The following TUBGCP3 variants were observed in gnomAD, a reference collection of about 807,000 sequenced individuals.
TUBGCP3 encodes gamma-tubulin complex component 3.
A neutral mutation model predicts 123.1 loss-of-function variants in TUBGCP3; 50 were observed. The ratio of observed to expected loss-of-function variants is 0.41; its 90% confidence interval spans 0.32 to 0.51. The LOEUF is 0.51. Ranked by LOEUF, TUBGCP3 falls within the 20% of genes least tolerant of loss-of-function variation. The pLI is 0.36. For missense variants in TUBGCP3, 882 were observed against 1,127.0 expected (o/e 0.78, Z 3.11); for synonymous variants, 405 against 413.9 (o/e 0.98, Z 0.26).
chr13:112,602,739 G>C, the TUBGCP3 span: 1 of 152,200 alleles, frequency 6.6e-6, no homozygotes, highest in East Asian at 1.9e-4. Context: ...ACGTTAGCTT[G>C]AATGTATTTT....
At chr13:112,540,252 C>T (rs1222552065) in intron 11 of TUBGCP3, among the ~76,000 whole-genome samples, 2 of 137,848 alleles carry the variant, frequency 1.5e-5, no homozygotes, top group Non-Finnish European at 3.2e-5. Flanking sequence ...GGAAAGGATA[C>T]CTGGGAGTGA....
chr13:112,528,416 C>G (rs1877307332), intron 11 of TUBGCP3, among the ~76,000 whole-genome samples: 1 of 152,186 alleles, frequency 6.6e-6, no homozygotes, highest in South Asian at 2.1e-4. Flanking sequence ...TTAGATTTTG[C>G]CAGTCAGGTG....
chr13:112,531,143 T>C (rs148437011), intron 11 of TUBGCP3, among the ~76,000 whole-genome samples: 20 of 149,690 alleles, frequency 1.3e-4, no homozygotes, highest in Admixed American at 5.9e-4. Context: ...AAATCTTCTA[T>C]TTGATCCTTT....
intron 11 of TUBGCP3, among the ~76,000 whole-genome samples, chr13:112,528,951 A>G (rs1877348790): frequency 6.6e-6 from 1 of 152,050 alleles, no homozygotes; most frequent in Non-Finnish European, 1.5e-5. Flanking sequence ...TCCCCAGCTC[A>G]AGCCATCCTC....
chr13:112,485,271 G>A lies in TUBGCP3; in HGVS notation c.*722C>T, dbSNP rs374055758. 3.3e-5 allele frequency: 5 copies of A among 152,588 alleles called. No individual in the cohort carries two copies. Among genetic ancestry groups the A allele is most frequent in the East Asian group, 1.9e-4 (1 of 5,188 alleles). The allele number at this position is 152,588 out of a possible 1,614,324, so 9.5% of individuals were successfully genotyped here. A position where few individuals can be genotyped will look rare whatever the true frequency, so the allele number is the denominator to read the frequency against. ...ACTTTCTCGTCACTCCTATTTACAC[G>A]CTGCTTTAGCTGATGCATTCGCGGT... On this transcript the variant is annotated 3_prime_UTR_variant, in exon 22 of 22. Coordinates refer to ENST00000261965, the MANE Select transcript of TUBGCP3 (RefSeq NM_006322.6).
At chr13:112,496,357 G>A (rs914065017) in intron 20 of TUBGCP3, among the ~76,000 whole-genome samples, 24 of 152,348 alleles carry the variant, frequency 1.6e-4, no homozygotes, top group African/African-American at 2.9e-4. Flanking sequence ...GCACCAGGGG[G>A]TGCAGCAGGC....
chr13:112,540,910 T>C (rs1456650981), intron 11 of TUBGCP3, among the ~76,000 whole-genome samples: 2 of 152,236 alleles, frequency 1.3e-5, no homozygotes, highest in African/African-American at 4.8e-5. Flanking sequence ...TCAATAGACA[T>C]GCATTATTTT....
At chr13:112,499,249 T>C (rs1027698714) in intron 19 of TUBGCP3, 64 bp from the exon 20 acceptor site, 8 of 1,522,950 alleles carry the variant, frequency 5.3e-6, no homozygotes, top group African/African-American at 4.2e-5. Flanking sequence ...AAACAAAACA[T>C]TGATATTTAG....
intron 1 of TUBGCP3, among the ~76,000 whole-genome samples, chr13:112,585,356 C>T (rs1882535216): frequency 6.6e-6 from 1 of 152,202 alleles, no homozygotes; most frequent in Non-Finnish European, 1.5e-5. Flanking sequence ...TTTATAAATT[C>T]TTCAGTAAAT....
chr13:112,604,880 G>A, the TUBGCP3 span: 1 of 152,126 alleles, frequency 6.6e-6, no homozygotes, highest in Non-Finnish European at 1.5e-5. Context: ...GCTATTGAGG[G>A]CCTCCTAATA....
intron 1 of TUBGCP3, among the ~76,000 whole-genome samples, chr13:112,587,688 C>A (rs949549198): frequency 2.6e-5 from 4 of 152,194 alleles, no homozygotes; most frequent in Admixed American, 2.0e-4. Flanking sequence ...CCGCCCCGGT[C>A]CTGGCCCCCA....
rs147600557 is a variant in TUBGCP3 at position 112,519,559 on chromosome 13, A to C, written c.1881+327T>G. 1.3e-4 allele frequency among the ~76,000 whole-genome samples: 20 copies of C among 152,328 alleles called. 1 individual carries two copies. The highest frequency in any genetic ancestry group is 4.3e-4 in the African/African-American group (18 of 41,570). On this transcript the variant is annotated intron_variant, in intron 15 of 21. Transcript: ENST00000261965. This position sits in a 1 kb window ranked among gnomAD's most constrained non-coding sequence, Gnocchi z 6.2. ...GTGCTCCTGTTGGATTTACTATGAGAAGAAAGCACCATTTTCTAAGCATCT... is the reference window on the plus strand; with the variant it reads ...GTGCTCCTGTTGGATTTACTATGAGCAGAAAGCACCATTTTCTAAGCATCT...
At chr13:112,596,938 C>T in the TUBGCP3 span, among the ~76,000 whole-genome samples, 4 of 152,160 alleles carry the variant, frequency 2.6e-5, no homozygotes, top group African/African-American at 9.7e-5. Context: ...TTCAAAGGTA[C>T]TGGAACATAA....
chr13:112,490,986 C>A (rs929476898), intron 20 of TUBGCP3, among the ~76,000 whole-genome samples: 5 of 152,200 alleles, frequency 3.3e-5, no homozygotes, highest in Non-Finnish European at 7.3e-5. Context: ...TTCCACAGAG[C>A]TGAGCGAAAG....
At chr13:112,491,080 C>G (rs767582399) in intron 20 of TUBGCP3, among the ~76,000 whole-genome samples, 5 of 152,222 alleles carry the variant, frequency 3.3e-5, no homozygotes, top group East Asian at 3.8e-4. Flanking sequence ...TAATTTCCCT[C>G]CACTCCTTGG....
At position 112,578,330 on chromosome 13, in the gene TUBGCP3, C is replaced by T. The variant is rs531631717; in HGVS notation, c.77-9071G>A. 5.7e-4 allele frequency among the ~76,000 whole-genome samples: 87 copies of T among 151,708 alleles called. 1 individual carries two copies. The South Asian group carries it at 0.011, about 20-fold the overall frequency. The stretch of plus-strand genomic sequence containing the variant: ...ATCCCAGCACTTTGGGAGGCCGAGG[C>T]GGGCGGATCACGAGGTCAGGAGATC... On this transcript the variant is annotated intron_variant, in intron 1 of 21. Coordinates refer to ENST00000261965, the MANE Select transcript of TUBGCP3 (RefSeq NM_006322.6).
At chr13:112,534,269 G>A (rs546066952) in intron 11 of TUBGCP3, among the ~76,000 whole-genome samples, 2 of 152,188 alleles carry the variant, frequency 1.3e-5, no homozygotes, top group African/African-American at 4.8e-5. Context: ...TACTGCGGCC[G>A]GGCGCGGCGG....
rs891322271 is a variant in TUBGCP3, at chr13:112,508,910, G to T, written c.2087-4196C>A. Among the ~76,000 whole-genome samples, 3 of 151,958 alleles carry T rather than the reference G, an allele frequency of 2.0e-5. No homozygotes were observed. Among genetic ancestry groups the T allele is most frequent in the Admixed American group, 2.0e-4 (3 of 15,262 alleles). ...AATCCATTCCCTTCCCTCCAGCCCC[G>T]CGGCTGCTGTAACCATAAAGGCCAA... On this transcript the variant is annotated intron_variant, in intron 17 of 21. Coordinates refer to ENST00000261965, the MANE Select transcript of TUBGCP3 (RefSeq NM_006322.6). This position sits in a 1 kb window ranked among gnomAD's most constrained non-coding sequence, Gnocchi z 4.2.
At chr13:112,525,512 G>C (rs7336946) in intron 13 of TUBGCP3, among the ~76,000 whole-genome samples, 2,489 of 152,342 alleles carry the variant, frequency 0.016, 84 homozygotes, top group African/African-American at 0.056. Flanking sequence ...AGCTACCACA[G>C]TGTCCTACGC....
Sources: allele counts gnomAD v4.1 joint callset (sites outside exome capture counted in the v4.1 genomes callset), GRCh38; gene constraint gnomAD v4.1.1; non-coding constraint Gnocchi (gnomAD v3.1); transcripts MANE v1.5; gene names NCBI Gene and HGNC (gene_info 2026-07-23, HGNC 2026-07-21).